The following MATCAP1 variants were observed in gnomAD, a reference collection of about 807,000 sequenced individuals.
MATCAP1 encodes microtubule associated tyrosine carboxypeptidase 1.
chr16:67,183,064 C>G, the MATCAP1 span, among the ~76,000 whole-genome samples: 1 of 151,954 alleles, frequency 6.6e-6, no homozygotes, highest in Non-Finnish European at 1.5e-5. Flanking sequence ...CTTCCCTGCA[C>G]TTTGCTTCCC....
chr16:67,178,184 C>G, the MATCAP1 span: 7 of 1,535,962 alleles, frequency 4.6e-6, no homozygotes, highest in East Asian at 2.4e-5. Context: ...GCACCTCCCC[C>G]GCGCTGGCGC....
At chr16:67,179,286 G>C in the MATCAP1 span, 2 of 1,490,372 alleles carry the variant, frequency 1.3e-6, no homozygotes, top group Non-Finnish European at 1.8e-6. This position sits in a 1 kb window ranked among gnomAD's most constrained non-coding sequence, Gnocchi z 5.2. Context: ...GCGGGAGGTG[G>C]CTGCTCAGGA....
chr16:67,178,497 G>C, the MATCAP1 span: 5 of 1,526,466 alleles, frequency 3.3e-6, no homozygotes, highest in Non-Finnish European at 4.4e-6. Context: ...CCCGCAGGTA[G>C]TGGGTGCCTG....
At chr16:67,181,302 TCAG>T in the MATCAP1 span, among the ~76,000 whole-genome samples, 4 of 152,214 alleles carry the variant, frequency 2.6e-5, no homozygotes, top group Admixed American at 2.6e-4. Context: ...TTGGCCTCAG[TCAG>T]TTTCAATGTT....
chr16:67,180,447 G>C, the MATCAP1 span: 3 of 1,608,720 alleles, frequency 1.9e-6, no homozygotes, highest in Non-Finnish European at 2.5e-6. Flanking sequence ...CTGCAGCGCT[G>C]GGGGGACTGC....
the MATCAP1 span, among the ~76,000 whole-genome samples, chr16:67,181,243 G>T: frequency 1.3e-5 from 2 of 152,206 alleles, no homozygotes; most frequent in African/African-American, 2.4e-5. Flanking sequence ...CATCTTCTCA[G>T]TGCCACCCCT....
the MATCAP1 span, chr16:67,183,766 G>C: frequency 6.1e-6 from 1 of 164,730 alleles, no homozygotes; most frequent in African/African-American, 2.4e-5. Context: ...TGGAGGGTGG[G>C]GCCAGGAGAC....
chr16:67,178,799 T>G, the MATCAP1 span: 1 of 631,496 alleles, frequency 1.6e-6, no homozygotes, highest in African/African-American at 2.1e-5. Flanking sequence ...TCTCCCAAAC[T>G]GACATTGCCC....
chr16:67,177,625 AGTCACTCCTC>A, the MATCAP1 span, among the ~76,000 whole-genome samples: 10 of 152,124 alleles, frequency 6.6e-5, no homozygotes, highest in East Asian at 1.9e-3. Context: ...CAAATATCAG[AGTCACTCCTC>A]TGCTTAAAGC....
At chr16:67,178,530 C>A in the MATCAP1 span, 5 of 1,514,520 alleles carry the variant, frequency 3.3e-6, no homozygotes, top group African/African-American at 7.0e-5. Flanking sequence ...GGGGAGGCGG[C>A]GCTGGGCGGG....
At chr16:67,181,942 C>T in the MATCAP1 span, among the ~76,000 whole-genome samples, 1 of 152,202 alleles carries the variant, frequency 6.6e-6, no homozygotes, top group Non-Finnish European at 1.5e-5. Context: ...GATCAGCACC[C>T]GATACAGTTA....
chr16:67,179,284 T>C, the MATCAP1 span: 7 of 1,487,182 alleles, frequency 4.7e-6, no homozygotes, highest in Non-Finnish European at 6.2e-6. This position sits in a 1 kb window ranked among gnomAD's most constrained non-coding sequence, Gnocchi z 5.2. Flanking sequence ...GGGCGGGAGG[T>C]GGCTGCTCAG....
chr16:67,178,701 AAG>A, the MATCAP1 span: 1 of 705,846 alleles, frequency 1.4e-6, no homozygotes, highest in South Asian at 1.5e-5. Flanking sequence ...ACTCGCACCC[AAG>A]GATCCACAGA....
At chr16:67,179,416 A>G in the MATCAP1 span, 1 of 1,593,330 alleles carries the variant, frequency 6.3e-7, no homozygotes. The surrounding 1 kb of genome is among the most constrained non-coding windows in gnomAD (Gnocchi z 5.2). Flanking sequence ...CTGCCCGGAT[A>G]CCCACACCCT....
chr16:67,177,861 T>C, the MATCAP1 span: 3 of 661,852 alleles, frequency 4.5e-6, no homozygotes, highest in East Asian at 8.3e-5. Flanking sequence ...CAGAGTCATT[T>C]CATCTCCTGT....
the MATCAP1 span, chr16:67,178,409 C>A: frequency 6.5e-7 from 1 of 1,544,054 alleles, no homozygotes; most frequent in Non-Finnish European, 8.7e-7. Context: ...AGGCCCTCCT[C>A]CGTGGGGTTC....
the MATCAP1 span, chr16:67,179,226 G>C: frequency 1.4e-4 from 196 of 1,406,224 alleles, 1 homozygote; most frequent in East Asian, 3.2e-3. The surrounding 1 kb of genome is among the most constrained non-coding windows in gnomAD (Gnocchi z 5.2). Flanking sequence ...AGATGAGAGC[G>C]AGCCCAGAGC....
the MATCAP1 span, chr16:67,179,195 A>G: frequency 7.4e-7 from 1 of 1,351,078 alleles, no homozygotes; most frequent in Non-Finnish European, 9.5e-7. This position sits in a 1 kb window ranked among gnomAD's most constrained non-coding sequence, Gnocchi z 5.2. Flanking sequence ...GAGAGAGAAA[A>G]ATATACCCGA....
chr16:67,183,694 T>C, the MATCAP1 span: 1 of 153,442 alleles, frequency 6.5e-6, no homozygotes, highest in South Asian at 1.9e-4. Flanking sequence ...GAACCAGAAA[T>C]AGAGGAGGGG....
Sources: allele counts gnomAD v4.1 joint callset (sites outside exome capture counted in the v4.1 genomes callset), GRCh38; gene constraint gnomAD v4.1.1; non-coding constraint Gnocchi (gnomAD v3.1); transcripts MANE v1.5; gene names NCBI Gene and HGNC (gene_info 2026-07-23, HGNC 2026-07-21).